PCDHA3: variants seen among roughly 807,000 people sequenced by gnomAD.
PCDHA3 encodes protocadherin alpha 3.
A neutral mutation model predicts 62.2 loss-of-function variants in PCDHA3; 41 were observed. That is an observed-to-expected ratio of 0.66 (90% CI 0.51 to 0.86). The LOEUF (loss-of-function observed/expected upper bound fraction) is 0.86. Among genes scored for constraint, PCDHA3 ranks in the 40% least tolerant of loss-of-function variants. PCDHA3 has a pLI of 0.00. For synonymous variants in PCDHA3, 640 were observed against 555.4 expected (o/e 1.15, Z -2.14); for missense variants, 1,304 against 1,241.2 (o/e 1.05, Z -0.76).
intron 1 of PCDHA3, among the ~76,000 whole-genome samples, chr5:140,903,855 AAT>A (rs2070667296): frequency 6.6e-6 from 1 of 152,186 alleles, no homozygotes; most frequent in Non-Finnish European, 1.5e-5. Context: ...CTTAACAAAT[AAT>A]ATAGAGTAAA....
chr5:140,922,876 A>G (rs782530609), intron 1 of PCDHA3, among the ~76,000 whole-genome samples: 10 of 152,234 alleles, frequency 6.6e-5, no homozygotes, highest in Non-Finnish European at 1.3e-4. Flanking sequence ...GAAAAAATCC[A>G]AAGACATCAT....
chr5:140,836,633 C>T, intron 1 of PCDHA3: 1 of 1,613,432 alleles, frequency 6.2e-7, no homozygotes, highest in Non-Finnish European at 8.5e-7. Flanking sequence ...GCTGGTCATT[C>T]TCCCAGCAGA....
intron 1 of PCDHA3, among the ~76,000 whole-genome samples, chr5:140,943,548 G>A (rs1280986902): frequency 6.6e-6 from 1 of 152,152 alleles, no homozygotes; most frequent in African/African-American, 2.4e-5. Context: ...GTAAATAGAC[G>A]TAGACAATAA....
chr5:140,830,190 T>C, intron 1 of PCDHA3: 1 of 1,613,680 alleles, frequency 6.2e-7, no homozygotes, highest in Non-Finnish European at 8.5e-7. Context: ...AACGTGTACC[T>C]GATCATCGCC....
rs1221684887 is a variant in PCDHA3, at chr5:140,822,310, T to G, written c.2394+18719T>G. The G allele has an allele frequency of 2.5e-6, 4 of 1,614,088 alleles. No homozygotes were observed. In the African/African-American group the frequency reaches 4.0e-5, roughly 16 times the overall value. ...GTTAAATCCAAACGAATATTTTGACTTAGATGTTAAAACAAATGAAGAAGA... is the reference window on the plus strand; with the variant it reads ...GTTAAATCCAAACGAATATTTTGACGTAGATGTTAAAACAAATGAAGAAGA... On this transcript the variant is annotated intron_variant, in intron 1 of 3. Transcript: ENST00000522353.
At chr5:140,820,841 T>G (rs11167609) in intron 1 of PCDHA3, among the ~76,000 whole-genome samples, 88,272 of 151,788 alleles carry the variant, frequency 0.58, 26,392 homozygotes, top group African/African-American at 0.72. Flanking sequence ...TAATAGCAAC[T>G]TGAAGAAATG....
chr5:140,892,507 C>T (rs1261497068), intron 1 of PCDHA3, among the ~76,000 whole-genome samples: 1 of 152,162 alleles, frequency 6.6e-6, no homozygotes, highest in Non-Finnish European at 1.5e-5. Context: ...TTAAGAAGTT[C>T]CACCATGACT....
chr5:140,807,042 T>C, intron 1 of PCDHA3: 1 of 977,290 alleles, frequency 1.0e-6, no homozygotes, highest in Non-Finnish European at 1.5e-6. Flanking sequence ...AAGGGAAAAT[T>C]CCTTCTATTC....
At chr5:140,967,091 G>A (rs782261207) in intron 1 of PCDHA3, 1 of 1,613,196 alleles carries the variant, frequency 6.2e-7, no homozygotes. Context: ...TGATCGGGAG[G>A]CGCTGTGTGA....
At chr5:141,002,565 G>A (rs782803550) in intron 3 of PCDHA3, among the ~76,000 whole-genome samples, 9 of 152,196 alleles carry the variant, frequency 5.9e-5, no homozygotes, top group Non-Finnish European at 2.9e-5. Flanking sequence ...ACCAGTTAGT[G>A]ACCATGTGAC....
rs2150186249 is a variant in PCDHA3 at position 140,830,415 on chromosome 5, G to A, written c.2394+26824G>A. ...ATGGATCTCATGGCCTTTAGCCCCA[G>A]CCTTTCACCTTGTCCTATTATGATG... On this transcript the variant is annotated intron_variant, in intron 1 of 3. Coordinates refer to ENST00000522353, the MANE Select transcript of PCDHA3 (RefSeq NM_018906.3). 22 of 1,614,018 alleles carry A rather than the reference G, an allele frequency of 1.4e-5. No individual in the cohort carries two copies. In the East Asian group the frequency reaches 1.8e-4, roughly 13 times the overall value.
At chr5:140,910,682 C>G (rs1280217836) in intron 1 of PCDHA3, among the ~76,000 whole-genome samples, 2 of 152,198 alleles carry the variant, frequency 1.3e-5, no homozygotes, top group East Asian at 3.8e-4. Flanking sequence ...GGAGATCAGG[C>G]ATTTCCAGCT....
At chr5:140,828,188 T>A (rs2150152126) in intron 1 of PCDHA3, 3 of 1,614,140 alleles carry the variant, frequency 1.9e-6, no homozygotes, top group Non-Finnish European at 2.5e-6. Flanking sequence ...CCAGCTCCAC[T>A]ACTCCGTACC....
At chr5:140,940,764 G>C (rs977154290) in intron 1 of PCDHA3, among the ~76,000 whole-genome samples, 1 of 152,080 alleles carries the variant, frequency 6.6e-6, no homozygotes, top group Non-Finnish European at 1.5e-5. Context: ...ACTTTTATTT[G>C]ACTTTTGATG....
At chr5:140,822,751 A>G in intron 1 of PCDHA3, 1 of 1,613,920 alleles carries the variant, frequency 6.2e-7, no homozygotes, top group Non-Finnish European at 8.5e-7. Context: ...GGATAAAAGT[A>G]CATTCCCATT....
intron 1 of PCDHA3, chr5:140,834,460 C>G (rs202125503): frequency 6.3e-6 from 10 of 1,589,954 alleles, no homozygotes; most frequent in Non-Finnish European, 8.6e-6. Flanking sequence ...GCTTGGGAGG[C>G]AGGGAGAGGC....
intron 1 of PCDHA3, among the ~76,000 whole-genome samples, chr5:140,941,550 C>T (rs1489599221): frequency 6.6e-6 from 1 of 151,776 alleles, no homozygotes; most frequent in Non-Finnish European, 1.5e-5. Flanking sequence ...CTCCTGACCT[C>T]GTGATCCATT....
intron 1 of PCDHA3, chr5:140,883,610 G>C: frequency 6.2e-7 from 1 of 1,614,046 alleles, no homozygotes; most frequent in Non-Finnish European, 8.5e-7. Flanking sequence ...GGTGGCCGAC[G>C]TGAACGACAA....
At chr5:140,908,668 A>C (rs2074091776) in intron 1 of PCDHA3, among the ~76,000 whole-genome samples, 1 of 152,194 alleles carries the variant, frequency 6.6e-6, no homozygotes, top group Non-Finnish European at 1.5e-5. Flanking sequence ...AAAGGCTCCA[A>C]ATAGCATCCC....
Sources: gnomAD v4.1 joint callset for allele counts (sites outside exome capture counted in the v4.1 genomes callset) on GRCh38, gnomAD v4.1.1 for gene constraint, MANE v1.5 for transcripts, NCBI Gene and HGNC (gene_info 2026-07-23, HGNC 2026-07-21) for gene names.